Variants in BIRC6 observed in about 807,000 individuals in gnomAD.
The protein encoded by BIRC6 is baculoviral IAP repeat containing 6.
In BIRC6, 98 loss-of-function variants were observed where a neutral mutation model predicts 503.3. That is an observed-to-expected ratio of 0.19 (90% CI 0.17 to 0.23). The LOEUF (loss-of-function observed/expected upper bound fraction) is 0.23, where lower values mean the gene tolerates loss of function less well. BIRC6 is among the 10% of genes least tolerant of loss of function. The probability of loss-of-function intolerance (pLI) is 1.00; values close to 1 mark genes in which losing one functional copy is unlikely to be tolerated. For synonymous variants in BIRC6, 2,240 were observed against 2,078.7 expected, an observed-to-expected ratio of 1.08 and a Z score of -2.11; for missense variants, 5,360 against 5,806.0, an observed-to-expected ratio of 0.92 and a Z score of 2.50.
chr2:32,605,687 A>G (rs532299542), intron 71 of BIRC6, among the ~76,000 whole-genome samples: 41 of 152,122 alleles, frequency 2.7e-4, no homozygotes, highest in Admixed American at 9.8e-4. Context: ...GAGATACCCC[A>G]TCTCTACTAA....
intron 35 of BIRC6, among the ~76,000 whole-genome samples, chr2:32,478,406 AAATTT>A (rs2050012732): frequency 6.6e-6 from 1 of 152,192 alleles, no homozygotes; most frequent in Admixed American, 6.6e-5. Context: ...CTGTTCGTAG[AAATTT>A]AATTCTTAAC....
In BIRC6 at chr2:32,473,860, C is replaced by CCT. The variant is rs937183257; in HGVS notation, c.6720+623_6720+624dup. 2.0e-5 allele frequency among the ~76,000 whole-genome samples: 3 copies of CCT among 150,410 alleles called. No homozygotes were observed. In the Admixed American group the frequency reaches 2.0e-4, roughly 10 times the overall value. On this transcript the variant is annotated intron_variant, in intron 33 of 73. Transcript: ENST00000421745. ...CTCCAAATTCCTGGGCTCAAGCAGT[C>CCT]CTCCCGCCTTAGCTTTCCGAGTAGC... is the stretch of plus-strand genomic sequence containing the variant.
intron 10 of BIRC6, among the ~76,000 whole-genome samples, chr2:32,416,495 A>G (rs1449203507): frequency 1.3e-5 from 2 of 151,178 alleles, no homozygotes; most frequent in African/African-American, 4.9e-5. Context: ...AATTCATTAA[A>G]CCTGTTTTTA....
At chr2:32,533,093 G>GT (rs1286833319) in intron 61 of BIRC6, among the ~76,000 whole-genome samples, 1 of 152,210 alleles carries the variant, frequency 6.6e-6, no homozygotes, top group African/African-American at 2.4e-5. Flanking sequence ...AAAACCTACA[G>GT]TGTCTTAGAG....
chr2:32,602,104 G>A (rs1178544187), intron 70 of BIRC6, among the ~76,000 whole-genome samples: 3 of 152,104 alleles, frequency 2.0e-5, no homozygotes. Flanking sequence ...ATATCCAAGG[G>A]AAATAAATCA....
chr2:32,581,810 A>G (rs2060692875), intron 66 of BIRC6, among the ~76,000 whole-genome samples: 1 of 152,218 alleles, frequency 6.6e-6, no homozygotes, highest in Non-Finnish European at 1.5e-5. Flanking sequence ...CAGAATATTC[A>G]TACATGTAAA....
intron 40 of BIRC6, 68 bp downstream of exon 40, chr2:32,485,827 T>C: frequency 9.4e-7 from 1 of 1,066,698 alleles, no homozygotes; most frequent in African/African-American, 1.6e-5. Context: ...TTCAGGTGGA[T>C]TCATCAAGGA....
intron 46 of BIRC6, among the ~76,000 whole-genome samples, chr2:32,500,486 C>T (rs191329138): frequency 1.3e-5 from 2 of 151,090 alleles, no homozygotes; most frequent in African/African-American, 4.9e-5. Context: ...GGCGCGATCT[C>T]GGCTCACTGT....
intron 1 of BIRC6, among the ~76,000 whole-genome samples, chr2:32,375,861 G>C (rs2036691397): frequency 6.6e-6 from 1 of 151,482 alleles, no homozygotes; most frequent in Non-Finnish European, 1.5e-5. Context: ...GTGTTATTCA[G>C]GGTTTATGGT....
At chr2:32,481,061 G>A (rs889122280) in intron 37 of BIRC6, among the ~76,000 whole-genome samples, 2 of 152,084 alleles carry the variant, frequency 1.3e-5, no homozygotes, top group Non-Finnish European at 2.9e-5. Flanking sequence ...AGTAATGTTG[G>A]TAATTATTTT....
rs2148254490 is a variant in BIRC6 at position 32,439,650 on chromosome 2, A to G, written c.3774A>G (p.Ser1258=). Residue 1258 remains serine (S), a synonymous_variant, in exon 16 of 74, where the codon TCA becomes TCG. Coordinates refer to ENST00000421745, the MANE Select transcript of BIRC6 (RefSeq NM_016252.4). ...SLKHQSNKGY[S]LASLLAKVAA... ...AACACCAGAGTAACAAGGGTTATTC[A>G]CTTGCTTCACTTTTGGCTAAAGTTG... 7 of 1,613,824 alleles carry G rather than the reference A, an allele frequency of 4.3e-6. No homozygotes were observed. The highest frequency in any genetic ancestry group is 5.9e-6 in the Non-Finnish European group (7 of 1,179,814).
At chr2:32,612,049 T>C (rs954889579) in intron 73 of BIRC6, among the ~76,000 whole-genome samples, 2 of 152,108 alleles carry the variant, frequency 1.3e-5, no homozygotes, top group African/African-American at 4.8e-5. Context: ...TTAAATTTTT[T>C]TATTTTCAAT....
At chr2:32,587,847 G>C (rs777667295) in intron 66 of BIRC6, among the ~76,000 whole-genome samples, 3 of 152,096 alleles carry the variant, frequency 2.0e-5, no homozygotes, top group Non-Finnish European at 4.4e-5. Flanking sequence ...CTCCCCTGAA[G>C]AATTTGTAAT....
Position 32,438,915 on chromosome 2 carries a change from A to G in BIRC6, c.3632-593A>G, listed in dbSNP as rs116019375. 7.3e-3 allele frequency among the ~76,000 whole-genome samples: 1,111 copies of G among 152,186 alleles called. 7 individuals are homozygous for G. The highest frequency in any genetic ancestry group is 0.014 in the Middle Eastern group (4 of 294). The stretch of plus-strand genomic sequence containing the variant: ...GTTAACAGTGGTTTAGTTGACTCTG[A>G]GGTAGGAAATATTACTCTTATTTTA... On this transcript the variant is annotated intron_variant, in intron 15 of 73. Coordinates refer to ENST00000421745, the MANE Select transcript of BIRC6 (RefSeq NM_016252.4).
chr2:32,415,154 T>C lies in BIRC6; in HGVS notation c.1863T>C (p.Pro621=). 2 of 1,614,006 alleles carry C rather than the reference T, an allele frequency of 1.2e-6. No individual in the cohort carries two copies. The highest frequency in any genetic ancestry group is 1.7e-6 in the Non-Finnish European group (2 of 1,179,888). Residue 621 remains proline (P), a synonymous_variant, in exon 10 of 74, where the codon CCT becomes CCC. Coordinates refer to ENST00000421745, the MANE Select transcript of BIRC6 (RefSeq NM_016252.4). ...GCACTAATTCAGAACTAAATTCTCCTCTGGTAAGGAGGACTTTACCGGTTT... is the reference window on the plus strand; with the variant it reads ...GCACTAATTCAGAACTAAATTCTCCCCTGGTAAGGAGGACTTTACCGGTTT... ...ESCTNSELNS[P]LVRRTLPVLL...
At chr2:32,558,193 C>T (rs913099880) in intron 65 of BIRC6, among the ~76,000 whole-genome samples, 2 of 151,984 alleles carry the variant, frequency 1.3e-5, no homozygotes, top group African/African-American at 4.8e-5. Context: ...GGCTGAAGAG[C>T]CGAAAATATA....
chr2:32,391,408 C>T (rs1165824755), intron 4 of BIRC6, among the ~76,000 whole-genome samples: 1 of 152,118 alleles, frequency 6.6e-6, no homozygotes, highest in Non-Finnish European at 1.5e-5. Context: ...GATAGGTCTT[C>T]TGTTCTAAGA....
chr2:32,374,585 G>A (rs1406949469), intron 1 of BIRC6, among the ~76,000 whole-genome samples: 1 of 150,960 alleles, frequency 6.6e-6, no homozygotes, highest in African/African-American at 2.4e-5. Context: ...CCATTCTCCT[G>A]CCTCAGCCTC....
At position 32,508,259 on chromosome 2, in the gene BIRC6, G is replaced by A. The variant is rs747137026; in HGVS notation, c.9980G>A (p.Ser3327Asn). The A allele has an allele frequency of 1.2e-6, 1 of 865,566 alleles. No individual in the cohort carries two copies. The highest frequency in any genetic ancestry group is 1.6e-6 in the Non-Finnish European group (1 of 611,280). The allele number at this position is 865,566 out of a possible 1,614,324, so 53.6% of individuals were successfully genotyped here. A position where few individuals can be genotyped will look rare whatever the true frequency, so the allele number is the denominator to read the frequency against. ...TCTGAAGATCAGGTATCCAAAACAAGGTATGTTTTGTTTGTCCTTTTTTTT... is the reference window on the plus strand; with the variant it reads ...TCTGAAGATCAGGTATCCAAAACAAAGTATGTTTTGTTTGTCCTTTTTTTT... The part of the protein sequence containing the change: ...LPSEDQVSKT[S>N]IGWLRLLHHC... The change falls in exon 51 of 74, where the codon AGT (serine) becomes AAT (asparagine). Residue 3327 changes from serine (S) to asparagine (N), a missense_variant and splice_region_variant. By Grantham distance (46) the Ser-to-Asn change is conservative (BLOSUM62 1). Coordinates refer to ENST00000421745, the MANE Select transcript of BIRC6 (RefSeq NM_016252.4).
Sources: gnomAD v4.1 joint callset for allele counts (sites outside exome capture counted in the v4.1 genomes callset) on GRCh38, gnomAD v4.1.1 for gene constraint, MANE v1.5 for transcripts, NCBI Gene and HGNC (gene_info 2026-07-23, HGNC 2026-07-21) for gene names.